The following TMEM132B variants were observed in gnomAD, a reference collection of about 807,000 sequenced individuals.
TMEM132B encodes transmembrane protein 132B.
In TMEM132B, 18 loss-of-function variants were observed where a neutral mutation model predicts 90.8. That is an observed-to-expected ratio of 0.20 (90% CI 0.14 to 0.29). The LOEUF (loss-of-function observed/expected upper bound fraction) is 0.29, where lower values mean the gene tolerates loss of function less well. TMEM132B is among the 10% of genes least tolerant of loss of function. The pLI is 1.00. For synonymous variants in TMEM132B, 504 were observed against 523.3 expected (o/e 0.96, Z 0.50); for missense variants, 1,096 against 1,326.8 (o/e 0.83, Z 2.70).
At chr12:125,329,059 A>T (rs1435265368) in intron 1 of TMEM132B, among the ~76,000 whole-genome samples, 1 of 152,046 alleles carries the variant, frequency 6.6e-6, no homozygotes, top group African/African-American at 2.4e-5. Flanking sequence ...CTCCAATGTG[A>T]TGGTATCAGG....
intron 3 of TMEM132B, among the ~76,000 whole-genome samples, chr12:125,482,890 A>G (rs2136533016): frequency 6.6e-6 from 1 of 152,342 alleles, no homozygotes; most frequent in Non-Finnish European, 1.5e-5. Flanking sequence ...TGTGGCACAT[A>G]TACACCATGG....
At chr12:125,506,225 A>C (rs929749497) in intron 3 of TMEM132B, among the ~76,000 whole-genome samples, 1 of 152,222 alleles carries the variant, frequency 6.6e-6, no homozygotes, top group Non-Finnish European at 1.5e-5. Context: ...ACAAACATGG[A>C]TTAACCATCA....
intron 2 of TMEM132B, among the ~76,000 whole-genome samples, chr12:125,414,652 G>A (rs187608805): frequency 8.1e-4 from 124 of 152,236 alleles, no homozygotes; most frequent in Admixed American, 1.4e-3. Context: ...AGAAGTCCCA[G>A]CGGGCCCTTG....
chr12:125,536,241 A>G (rs1403590342), intron 4 of TMEM132B, among the ~76,000 whole-genome samples: 2 of 152,214 alleles, frequency 1.3e-5, no homozygotes, highest in Non-Finnish European at 2.9e-5. Context: ...TGCATGTCAG[A>G]GTTAAACAGA....
chr12:125,403,620 TAGGA>T (rs1286368741), intron 2 of TMEM132B, among the ~76,000 whole-genome samples: 1 of 152,228 alleles, frequency 6.6e-6, no homozygotes, highest in Admixed American at 6.5e-5. Context: ...AATCTAAAAT[TAGGA>T]AGGATTTGGA....
At chr12:125,555,572 G>A (rs1482740188) in intron 4 of TMEM132B, among the ~76,000 whole-genome samples, 8 of 108,502 alleles carry the variant, frequency 7.4e-5, no homozygotes, top group Non-Finnish European at 1.7e-5. Flanking sequence ...TGTGGGGTGG[G>A]GGGTGGGGGG....
chr12:125,388,298 G>A (rs1878905954), intron 2 of TMEM132B, among the ~76,000 whole-genome samples: 1 of 152,048 alleles, frequency 6.6e-6, no homozygotes, highest in Admixed American at 6.5e-5. Context: ...GCGTGGTGGT[G>A]CACGTCTGTA....
At chr12:125,329,054 A>G (rs759780014) in intron 1 of TMEM132B, among the ~76,000 whole-genome samples, 5 of 152,154 alleles carry the variant, frequency 3.3e-5, no homozygotes, top group Non-Finnish European at 7.4e-5. Context: ...CTAATCTCCA[A>G]TGTGATGGTA....
At chr12:125,473,178 C>T (rs1272203648) in intron 3 of TMEM132B, among the ~76,000 whole-genome samples, 3 of 152,124 alleles carry the variant, frequency 2.0e-5, no homozygotes, top group African/African-American at 7.2e-5. Flanking sequence ...TCATTCCCAC[C>T]TCAGGGCCTT....
At chr12:125,520,286 A>G (rs1463184736) in intron 4 of TMEM132B, among the ~76,000 whole-genome samples, 2 of 152,208 alleles carry the variant, frequency 1.3e-5, no homozygotes, top group African/African-American at 4.8e-5. Flanking sequence ...CAGTAAGTCC[A>G]TGGGTACTAC....
chr12:125,571,774 T>A (rs1884801785), intron 4 of TMEM132B, among the ~76,000 whole-genome samples: 2 of 152,206 alleles, frequency 1.3e-5, no homozygotes, highest in Admixed American at 6.5e-5. Flanking sequence ...TGATCCTTTT[T>A]CTGTAAATAG....
rs1215676534 is a variant in TMEM132B at position 125,243,032 on chromosome 12, T to TATATATATATATATACAC, written c.67+56167_67+56168insTATATATATATATACACA. On this transcript the variant is annotated intron_variant, in intron 1 of 8. Coordinates refer to ENST00000682704, the MANE Select transcript of TMEM132B (RefSeq NM_001366854.1). ...CTTCATATATATATATATATATATATACACACACACACACACACACATACA... is the reference window on the plus strand; with the variant it reads ...CTTCATATATATATATATATATATATATATATATATATATACACACACACACACACACACACACATACA... Among the ~76,000 whole-genome samples the TATATATATATATATACAC allele has an allele frequency of 3.3e-4, 44 of 134,990 alleles. 1 individual carries two copies. The highest frequency in any genetic ancestry group is 5.8e-4 in the African/African-American group (21 of 36,264). 88.6% of individuals were successfully genotyped at this position (134,990 alleles called of 152,430 possible). A position where few individuals can be genotyped will look rare whatever the true frequency, so the allele number is the denominator to read the frequency against.
At chr12:125,365,895 G>A (rs1316643474) in intron 2 of TMEM132B, among the ~76,000 whole-genome samples, 1 of 151,780 alleles carries the variant, frequency 6.6e-6, no homozygotes, top group Non-Finnish European at 1.5e-5. Flanking sequence ...CTAGCTATTT[G>A]GAAATATATA....
intron 1 of TMEM132B, among the ~76,000 whole-genome samples, chr12:125,272,045 G>C (rs1437565011): frequency 6.6e-6 from 1 of 152,190 alleles, no homozygotes; most frequent in African/African-American, 2.4e-5. Flanking sequence ...CTCTCAGACA[G>C]AGACCTGCTG....
At chr12:125,609,975 AT>A (rs77671130) in intron 5 of TMEM132B, among the ~76,000 whole-genome samples, 1 of 150,694 alleles carries the variant, frequency 6.6e-6, no homozygotes, top group Non-Finnish European at 1.5e-5. Flanking sequence ...ATTCCTAAGT[AT>A]TTTTTTTCTC....
At chr12:125,321,191 G>A (rs941924440) in intron 1 of TMEM132B, among the ~76,000 whole-genome samples, 1 of 152,214 alleles carries the variant, frequency 6.6e-6, no homozygotes, top group African/African-American at 2.4e-5. Flanking sequence ...GACTTTGGGG[G>A]AGAGAAACCG....
At chr12:125,268,265 C>T (rs1874742899) in intron 1 of TMEM132B, among the ~76,000 whole-genome samples, 1 of 152,164 alleles carries the variant, frequency 6.6e-6, no homozygotes, top group Non-Finnish European at 1.5e-5. Context: ...TTGGCATTAT[C>T]AGTTAAAATT....
chr12:125,560,744 G>C (rs1234925004), intron 4 of TMEM132B, among the ~76,000 whole-genome samples: 1 of 138,256 alleles, frequency 7.2e-6, no homozygotes, highest in East Asian at 2.3e-4. Flanking sequence ...ACAATGGCGT[G>C]AACCAGGGAA....
intron 4 of TMEM132B, among the ~76,000 whole-genome samples, chr12:125,553,319 G>A (rs1938737573): frequency 1.3e-5 from 2 of 152,212 alleles, no homozygotes; most frequent in South Asian, 4.1e-4. Context: ...CTGGGCTGCA[G>A]GATGCAATGG....
Sources: allele counts gnomAD v4.1 joint callset (sites outside exome capture counted in the v4.1 genomes callset), GRCh38; gene constraint gnomAD v4.1.1; transcripts MANE v1.5; gene names NCBI Gene and HGNC (gene_info 2026-07-23, HGNC 2026-07-21).